PAFAH1B1: variants seen among roughly 807,000 people sequenced by gnomAD.
The protein encoded by PAFAH1B1 is platelet-activating factor acetylhydrolase IB subunit beta.
A neutral mutation model predicts 57.5 loss-of-function variants in PAFAH1B1; 2 were observed. That is an observed-to-expected ratio of 0.03 (90% CI 0.01 to 0.11). PAFAH1B1 has a LOEUF of 0.11. PAFAH1B1 is among the 10% of genes least tolerant of loss of function. The pLI, the probability that PAFAH1B1 is intolerant of heterozygous loss-of-function variation, is 1.00. For missense variants in PAFAH1B1, 257 were observed against 512.0 expected (o/e 0.50, Z 4.81); for synonymous variants, 152 against 169.6 (o/e 0.90, Z 0.81).
At chr17:2,630,055 T>C (rs2068536271) in intron 1 of PAFAH1B1, among the ~76,000 whole-genome samples, 1 of 152,180 alleles carries the variant, frequency 6.6e-6, no homozygotes, top group African/African-American at 2.4e-5. Flanking sequence ...TCTGCATCTT[T>C]TAAGTGGAGT....
intron 2 of PAFAH1B1, among the ~76,000 whole-genome samples, chr17:2,652,267 T>C (rs76588588): frequency 6.6e-6 from 1 of 151,020 alleles, no homozygotes; most frequent in Admixed American, 6.6e-5. Flanking sequence ...AAAAAAAAAT[T>C]GGCCGGGCGT....
intron 6 of PAFAH1B1, 78 bp downstream of exon 6, chr17:2,670,409 C>T: frequency 7.6e-7 from 1 of 1,311,510 alleles, no homozygotes; most frequent in Non-Finnish European, 1.1e-6. Context: ...TAACAGTGTA[C>T]AGTGTTCCTT....
chr17:2,680,007 A>T, intron 9 of PAFAH1B1, 157 bp from the exon 10 acceptor site: 1 of 712,310 alleles, frequency 1.4e-6, no homozygotes, highest in Non-Finnish European at 2.4e-6. Context: ...CTCATGTCTT[A>T]TGAGTTTTCA....
intron 1 of PAFAH1B1, among the ~76,000 whole-genome samples, chr17:2,620,445 G>A (rs1034338381): frequency 1.3e-5 from 2 of 152,108 alleles, no homozygotes; most frequent in Non-Finnish European, 2.9e-5. Flanking sequence ...TAGATTATTA[G>A]GTAGGAACAT....
intron 2 of PAFAH1B1, among the ~76,000 whole-genome samples, chr17:2,649,160 T>A (rs991539773): frequency 6.9e-6 from 1 of 144,592 alleles, no homozygotes; most frequent in African/African-American, 2.6e-5. Context: ...GAGGCTGCAG[T>A]GAGGCGAGAT....
chr17:2,679,932 C>T, intron 9 of PAFAH1B1: 1 of 534,658 alleles, frequency 1.9e-6, no homozygotes, highest in South Asian at 2.2e-5. Context: ...TTCCATAATG[C>T]CCTGCGGGAC....
At chr17:2,626,844 C>T (rs1048885090) in intron 1 of PAFAH1B1, among the ~76,000 whole-genome samples, 4 of 152,164 alleles carry the variant, frequency 2.6e-5, no homozygotes, top group South Asian at 2.1e-4. Context: ...TGAGCCACCC[C>T]GCCTGGGTGC....
At position 2,621,605 on chromosome 17, in the gene PAFAH1B1, G is replaced by GTTT. The variant is rs2068421993; in HGVS notation, c.-190-16493_-190-16492insTTT. ...GCTATTCAAGCATGGTAGATAATCT[G>GTTT]TCTTTTTTTTTTTTTTTTTTTTTTT... On this transcript the variant is annotated intron_variant, in intron 1 of 10. Coordinates refer to ENST00000397195, the MANE Select transcript of PAFAH1B1 (RefSeq NM_000430.4). Among the ~76,000 whole-genome samples, 31 of 93,208 alleles carry GTTT rather than the reference G, an allele frequency of 3.3e-4. 10 individuals are homozygous for GTTT. Among genetic ancestry groups the GTTT allele is most frequent in the African/African-American group, 1.3e-3 (28 of 21,296 alleles). 61.1% of individuals were successfully genotyped at this position (93,208 alleles called of 152,430 possible).
At chr17:2,678,225 A>C (rs983194807) in intron 9 of PAFAH1B1, among the ~76,000 whole-genome samples, 1 of 151,810 alleles carries the variant, frequency 6.6e-6, no homozygotes, top group African/African-American at 2.4e-5. Flanking sequence ...AACATGGAGG[A>C]ACCCCATCGC....
At chr17:2,614,540 G>A (rs1271272281) in intron 1 of PAFAH1B1, among the ~76,000 whole-genome samples, 1 of 152,150 alleles carries the variant, frequency 6.6e-6, no homozygotes, top group Non-Finnish European at 1.5e-5. Flanking sequence ...AGACTAGATA[G>A]TTATATAATG....
chr17:2,667,333 C>CAA (rs934220950), intron 5 of PAFAH1B1, 135 bp downstream of exon 5: 301 of 472,322 alleles, frequency 6.4e-4, no homozygotes, highest in Middle Eastern at 1.1e-3. Flanking sequence ...CACTCTGTCT[C>CAA]AAAAAAAAAA....
chr17:2,658,002 CTT>C (rs2068960783), intron 2 of PAFAH1B1, among the ~76,000 whole-genome samples: 1 of 152,132 alleles, frequency 6.6e-6, no homozygotes, highest in African/African-American at 2.4e-5. Flanking sequence ...CTGACTTTGC[CTT>C]ATGAGTTTTT....
In PAFAH1B1 at chr17:2,644,929, A is replaced by G. The variant is rs768538879; in HGVS notation, c.32+6609A>G. Among the ~76,000 whole-genome samples the G allele has an allele frequency of 1.7e-4, 26 of 152,300 alleles. No homozygotes were observed. In the South Asian group the frequency reaches 2.1e-3, roughly 12 times the overall value. ...CCTAATTTCAGATGACTAAATTTAT[A>G]GAGAGCTTTAGATAAATAATTTAAA... On this transcript the variant is annotated intron_variant, in intron 2 of 10. Transcript: ENST00000397195.
At chr17:2,613,348 C>T (rs1211708425) in intron 1 of PAFAH1B1, 6 of 233,796 alleles carry the variant, frequency 2.6e-5, no homozygotes, top group Admixed American at 1.8e-4. Flanking sequence ...CTTGCTTGGG[C>T]GAAGCTCAGC....
At chr17:2,627,194 A>G (rs1485247677) in intron 1 of PAFAH1B1, among the ~76,000 whole-genome samples, 7 of 152,184 alleles carry the variant, frequency 4.6e-5, no homozygotes, top group Non-Finnish European at 7.4e-5. Flanking sequence ...GGGTTTTTCC[A>G]GTGTTACCTT....
intron 1 of PAFAH1B1, among the ~76,000 whole-genome samples, chr17:2,608,335 C>T: frequency 6.6e-6 from 1 of 152,200 alleles, no homozygotes; most frequent in Non-Finnish European, 1.5e-5. Flanking sequence ...CCACTGGCCT[C>T]AGCCTCTCAA....
At position 2,681,987 on chromosome 17, in the gene PAFAH1B1, G is replaced by GT; in HGVS notation, c.*186dup. 1.8e-6 allele frequency: 1 copy of GT among 569,232 alleles called. No individual in the cohort carries two copies. 35.3% of individuals were successfully genotyped at this position (569,232 alleles called of 1,614,324 possible). On this transcript the variant is annotated 3_prime_UTR_variant, in exon 11 of 11. Transcript: ENST00000397195. Reference sequence around the variant, plus strand: ...GCATGGTGAATCCAAATTGTATACTGTAAATTTACATACGTTGTCTAGAAG... The same window carrying GT: ...GCATGGTGAATCCAAATTGTATACTGTTAAATTTACATACGTTGTCTAGAAG...
intron 2 of PAFAH1B1, among the ~76,000 whole-genome samples, chr17:2,651,507 CCTGGGAGGTAGAGG>C (rs1217697950): frequency 4.0e-5 from 6 of 151,454 alleles, no homozygotes; most frequent in Non-Finnish European, 8.8e-5. Flanking sequence ...ACCTCTTGAG[CCTGGGAGGTAGAGG>C]CTGCAGTGAG....
rs540007860 is a variant in PAFAH1B1, at chr17:2,658,430, G to C, written c.33-6942G>C. On this transcript the variant is annotated intron_variant, in intron 2 of 10. Transcript: ENST00000397195. ...AGAAATTTAATCGAAATACGAGAAT[G>C]AACAGTAATGCATATTTTTTGTTTA... 4.6e-5 allele frequency among the ~76,000 whole-genome samples: 7 copies of C among 152,304 alleles called. No individual in the cohort carries two copies. The East Asian group carries it at 1.3e-3, about 29-fold the overall frequency.
Sources: allele counts gnomAD v4.1 joint callset (sites outside exome capture counted in the v4.1 genomes callset), GRCh38; gene constraint gnomAD v4.1.1; transcripts MANE v1.5; gene names NCBI Gene and HGNC (gene_info 2026-07-23, HGNC 2026-07-21).